NIT2: variants seen among roughly 807,000 people sequenced by gnomAD.
NIT2 encodes omega-amidase NIT2.
NIT2 carries 46 observed loss-of-function variants against 42.7 expected under a neutral mutation model. The ratio of observed to expected loss-of-function variants is 1.08; its 90% CI spans 0.85 to 1.38. NIT2 has a LOEUF of 1.38. Ranked by LOEUF, NIT2 falls within the 40% of genes most tolerant of loss-of-function variation. The pLI is 0.00. For missense variants in NIT2, 309 were observed against 342.5 expected (o/e 0.90, Z 0.77); for synonymous variants, 123 against 121.9 (o/e 1.01, Z -0.06).
intron 6 of NIT2, 149 bp downstream of exon 6, chr3:100,346,404 T>G: frequency 3.1e-6 from 2 of 654,474 alleles, no homozygotes; most frequent in Non-Finnish European, 5.3e-6. Context: ...CTTCCCAGAC[T>G]TTTGCTGTGT....
chr3:100,359,043 T>A lies in NIT2; in HGVS notation c.*3775T>A, dbSNP rs1296348073. 6.6e-6 allele frequency: 1 copy of A among 152,208 alleles called. No homozygotes were observed. The highest frequency in any genetic ancestry group is 6.5e-5 in the Admixed American group (1 of 15,284). The allele number at this position is 152,208 out of a possible 1,614,324, so 9.4% of individuals were successfully genotyped here. ...TATTATCTTCATTCATTTCTACTTG[T>A]GAATGAAGTTCGGAGACTAAGAAAA... On this transcript the variant is annotated 3_prime_UTR_variant, in exon 10 of 10. Coordinates refer to ENST00000394140, the MANE Select transcript of NIT2 (RefSeq NM_020202.5).
At chr3:100,343,905 A>G (rs951970162) in intron 4 of NIT2, among the ~76,000 whole-genome samples, 4 of 152,216 alleles carry the variant, frequency 2.6e-5, no homozygotes, top group African/African-American at 9.6e-5. Flanking sequence ...AGATGCTATT[A>G]CAGTCTTCCA....
rs2148881129 is a variant in NIT2 at position 100,339,843 on chromosome 3, A to T, written c.155A>T (p.Lys52Ile). Residue 52 changes from lysine to isoleucine, a missense_variant, in exon 3 of 10, where the codon AAA (lysine) becomes ATA (isoleucine). Lys to Ile is a moderately radical substitution (Grantham distance 102). Transcript: ENST00000394140. Reference sequence around the variant, plus strand: ...TGCTTTAATTCTCCATATGGAGCGAAATATTTTCCTGAATATGCAGAGAAA... The same window carrying T: ...TGCTTTAATTCTCCATATGGAGCGATATATTTTCCTGAATATGCAGAGAAA... Reference protein sequence around the residue: ...PECFNSPYGAKYFPEYAEKIP... With the variant: ...PECFNSPYGAIYFPEYAEKIP... 1 of 1,611,044 alleles carries T rather than the reference A, an allele frequency of 6.2e-7. No homozygotes were observed.
At chr3:100,341,549 T>C (rs1706153839) in intron 4 of NIT2, among the ~76,000 whole-genome samples, 1 of 152,020 alleles carries the variant, frequency 6.6e-6, no homozygotes, top group South Asian at 2.1e-4. Flanking sequence ...TTTGTATTTT[T>C]AGTAGAGACT....
At chr3:100,343,829 A>T (rs1706181675) in intron 4 of NIT2, among the ~76,000 whole-genome samples, 1 of 152,184 alleles carries the variant, frequency 6.6e-6, no homozygotes, top group Non-Finnish European at 1.5e-5. Flanking sequence ...TTTGGATCAC[A>T]CTTCTGTTTC....
Position 100,345,646 on chromosome 3 carries a change from G to A in NIT2, c.398G>A (p.Ser133Asn), listed in dbSNP as rs145930553. The change falls in exon 5 of 10, where the codon AGT becomes AAT. Residue 133 changes from serine to asparagine, a missense_variant. Transcript: ENST00000394140. ...KITFQESKTL[S>N]PGDSFSTFDT... is the part of the protein sequence containing the mutation. The stretch of plus-strand genomic sequence containing the variant: ...ACATTTCAAGAATCTAAAACATTGA[G>A]TCCGGGTGATAGTTTCTCCACATTT... 2.2e-5 allele frequency: 35 copies of A among 1,612,828 alleles called. No homozygotes were observed. In the African/African-American group the frequency reaches 4.5e-4, roughly 21 times the overall value.
intron 9 of NIT2, 89 bp from the exon 10 acceptor site, chr3:100,355,086 ACT>A (rs1252016623): frequency 1.1e-6 from 1 of 934,172 alleles, no homozygotes; most frequent in Non-Finnish European, 1.7e-6. Context: ...ACTTACTAAG[ACT>A]CTGGTGGTTT....
Position 100,355,208 on chromosome 3 carries a change from A to G in NIT2, c.771A>G (p.Gln257=). 4 of 1,614,154 alleles carry G rather than the reference A, an allele frequency of 2.5e-6. No homozygotes were observed. The highest frequency in any genetic ancestry group is 2.5e-6 in the Non-Finnish European group (3 of 1,180,022). Residue 257 remains glutamine, a synonymous_variant, in exon 10 of 10, where the codon CAA becomes CAG. Coordinates refer to ENST00000394140, the MANE Select transcript of NIT2 (RefSeq NM_020202.5). ...AGAAGCTGGCTGAAATACGCCAGCAAATCCCCGTTTTTAGACAGAAGCGAT... is the reference window on the plus strand; with the variant it reads ...AGAAGCTGGCTGAAATACGCCAGCAGATCCCCGTTTTTAGACAGAAGCGAT... ...DLKKLAEIRQ[Q]IPVFRQKRSD... is the part of the protein sequence containing the mutation.
chr3:100,352,469 T>C lies in NIT2; in HGVS notation c.650T>C (p.Val217Ala). The change falls in exon 8 of 10, where the codon GTT becomes GCT. Residue 217 changes from valine to alanine, a missense_variant. By Grantham distance (64) the Val-to-Ala change is moderately conservative. Coordinates refer to ENST00000394140, the MANE Select transcript of NIT2 (RefSeq NM_020202.5). ...SPARDDKASY[V>A]AWGHSTVVNP... ...GCCCGGGATGACAAAGCCTCCTATG[T>C]TGCCTGGGGACACAGCACCGTGGTG... The C allele has an allele frequency of 6.2e-7, 1 of 1,613,434 alleles. No individual in the cohort carries two copies. Among genetic ancestry groups the C allele is most frequent in the Admixed American group, 1.7e-5 (1 of 60,014 alleles).
chr3:100,340,902 A>G (rs1157851956), intron 3 of NIT2, among the ~76,000 whole-genome samples, 171 bp from the exon 4 acceptor site: 1 of 152,224 alleles, frequency 6.6e-6, no homozygotes, highest in Non-Finnish European at 1.5e-5. Context: ...GGGAATACTT[A>G]TTCTGTATTA....
chr3:100,339,730 AAGC>A, intron 2 of NIT2, 82 bp from the exon 3 acceptor site: 1 of 1,342,064 alleles, frequency 7.5e-7, no homozygotes, highest in Non-Finnish European at 1.0e-6. Context: ...GCAGAGCTAG[AAGC>A]AGCAGCTATG....
chr3:100,334,842 G>GC (rs749179795), intron 1 of NIT2, 44 bp downstream of exon 1: 62 of 1,298,048 alleles, frequency 4.8e-5, no homozygotes, highest in Non-Finnish European at 3.7e-5. Flanking sequence ...TCGGGCCGCG[G>GC]GGGAGGCTTT....
intron 7 of NIT2, among the ~76,000 whole-genome samples, chr3:100,352,163 G>A (rs1175022372): frequency 6.6e-6 from 1 of 152,204 alleles, no homozygotes; most frequent in African/African-American, 2.4e-5. Flanking sequence ...CTGTTGGTGG[G>A]ACTGTAAACT....
rs1190342226 is a variant in NIT2 at position 100,358,269 on chromosome 3, T to G, written c.*3001T>G. 1 of 152,240 alleles carries G rather than the reference T, an allele frequency of 6.6e-6. No individual in the cohort carries two copies. The highest frequency in any genetic ancestry group is 1.5e-5 in the Non-Finnish European group (1 of 68,042). The allele number at this position is 152,240 out of a possible 1,614,324, so 9.4% of individuals were successfully genotyped here. A position where few individuals can be genotyped will look rare whatever the true frequency, so the allele number is the denominator to read the frequency against. On this transcript the variant is annotated 3_prime_UTR_variant, in exon 10 of 10. Coordinates refer to ENST00000394140, the MANE Select transcript of NIT2 (RefSeq NM_020202.5). Reference sequence around the variant, plus strand: ...TAACCTGGCCCTGGATTTTACCTTTTTGCAAAGTGATATCCGAATAAAATG... The same window carrying G: ...TAACCTGGCCCTGGATTTTACCTTTGTGCAAAGTGATATCCGAATAAAATG...
rs62274146 is a variant in NIT2 at position 100,358,136 on chromosome 3, A to G, written c.*2868A>G. 0.26 allele frequency: 39,310 copies of G among 152,148 alleles called. 5,825 individuals are homozygous for G. Among genetic ancestry groups the G allele is most frequent in the Middle Eastern group, 0.39 (115 of 294 alleles). 9.4% of individuals were successfully genotyped at this position (152,148 alleles called of 1,614,324 possible). On this transcript the variant is annotated 3_prime_UTR_variant, in exon 10 of 10. Transcript: ENST00000394140. ...AAATGAATTGTCCTTTTAGTGGTAT[A>G]TCAGGAGATCTTGCCTTCTGGTACT...
At chr3:100,350,558 T>G (rs1576202967) in intron 7 of NIT2, among the ~76,000 whole-genome samples, 1 of 152,200 alleles carries the variant, frequency 6.6e-6, no homozygotes, top group South Asian at 2.1e-4. Context: ...CATTTAGGTG[T>G]GTAATTCTTT....
rs1422437121 is a variant in NIT2, at chr3:100,352,474, T to C, written c.655T>C (p.Trp219Arg). The C allele has an allele frequency of 6.2e-7, 1 of 1,613,414 alleles. No homozygotes were observed. Among genetic ancestry groups the C allele is most frequent in the Non-Finnish European group, 8.5e-7 (1 of 1,179,498 alleles). ...GGATGACAAAGCCTCCTATGTTGCC[T>C]GGGGACACAGCACCGTGGTGAACCC... is the stretch of plus-strand genomic sequence containing the variant. ...ARDDKASYVA[W>R]GHSTVVNPWG... Residue 219 changes from tryptophan to arginine, a missense_variant, in exon 8 of 10, where the codon TGG (tryptophan) becomes CGG (arginine). Physicochemically the swap from Trp to Arg is moderately radical, Grantham distance 101. Coordinates refer to ENST00000394140, the MANE Select transcript of NIT2 (RefSeq NM_020202.5).
chr3:100,339,179 C>T lies in NIT2; in HGVS notation c.100C>T (p.Gln34Ter). 1.2e-6 allele frequency: 2 copies of T among 1,613,270 alleles called. No homozygotes were observed. The highest frequency in any genetic ancestry group is 1.7e-6 in the Non-Finnish European group (2 of 1,179,246). ...TAGCTTCATCCGGGAGGCAGCAACG[C>T]AAGGAGCCAAAATAGTTTCTTTGCC... ...ACSFIREAAT[Q>*]GAKIVSLPEC... is the part of the protein sequence containing the mutation. The change falls in exon 2 of 10, where the codon CAA (glutamine) becomes TAA (stop). Residue 34 changes from glutamine (Q) to a stop codon, truncating the protein, a stop_gained. Transcript: ENST00000394140. LOFTEE classifies it high-confidence loss of function.
Position 100,346,266 on chromosome 3 carries a change from G to T in NIT2, c.505+11G>T. ...TCTACGCACAGAGAGGTGAGGCAGT[G>T]TAATAGCTGTGTTATGTGGGTGCTT... On this transcript the variant is annotated intron_variant, in intron 6 of 9. Transcript: ENST00000394140. 1 of 1,613,188 alleles carries T rather than the reference G, an allele frequency of 6.2e-7. No individual in the cohort carries two copies. Among genetic ancestry groups the T allele is most frequent in the Non-Finnish European group, 8.5e-7 (1 of 1,179,304 alleles).
Sources: gnomAD v4.1 joint callset for allele counts (sites outside exome capture counted in the v4.1 genomes callset) on GRCh38, gnomAD v4.1.1 for gene constraint, MANE v1.5 for transcripts, NCBI Gene and HGNC (gene_info 2026-07-23, HGNC 2026-07-21) for gene names.